The following NUP153 variants were observed in gnomAD, a reference collection of about 807,000 sequenced individuals.
NUP153 encodes the protein nuclear pore complex protein Nup153.
In NUP153, 27 loss-of-function variants were observed where a neutral mutation model predicts 134.6. The ratio of observed to expected loss-of-function variants is 0.20; its 90% CI spans 0.15 to 0.28. NUP153 has a LOEUF of 0.28. NUP153 is among the 10% of genes least tolerant of loss of function. NUP153 has a pLI of 1.00. For synonymous variants in NUP153, 640 were observed against 623.5 expected (o/e 1.03, Z -0.40); for missense variants, 1,821 against 1,731.3 (o/e 1.05, Z -0.92).
intron 9 of NUP153, 42 bp from the exon 10 acceptor site, chr6:17,662,112 T>C (rs749302420): frequency 3.8e-6 from 6 of 1,586,674 alleles, no homozygotes; most frequent in African/African-American, 2.7e-5. Flanking sequence ...GCTTATTTGT[T>C]GTAATTTTCT....
At chr6:17,664,838 A>T (rs1767416426) in intron 9 of NUP153, among the ~76,000 whole-genome samples, 1 of 152,046 alleles carries the variant, frequency 6.6e-6, no homozygotes. Flanking sequence ...GGGTCACTTG[A>T]GGTCAGGAGT....
At position 17,629,310 on chromosome 6, in the gene NUP153, A is replaced by C. The variant is rs1765106711; in HGVS notation, c.2889T>G (p.Val963=). The change falls in exon 18 of 22, where the codon GTT becomes GTG. Residue 963 remains valine, a synonymous_variant. Transcript: ENST00000262077. Reference sequence around the variant, plus strand: ...CTTCTTCGGGCTTAGATTCAGATGAAACTCCAAATTTAAAATCTCCTATTG... The same window carrying C: ...CTTCTTCGGGCTTAGATTCAGATGACACTCCAAATTTAAAATCTCCTATTG... ...SKPIGDFKFG[V]SSESKPEEVK... 3.1e-6 allele frequency: 5 copies of C among 1,607,368 alleles called. No homozygotes were observed. In the East Asian group the frequency reaches 1.1e-4, roughly 36 times the overall value.
In NUP153 at chr6:17,628,891, G is replaced by C; in HGVS notation, c.3308C>G (p.Thr1103Arg). The C allele has an allele frequency of 6.2e-7, 1 of 1,614,148 alleles. No individual in the cohort carries two copies. Among genetic ancestry groups the C allele is most frequent in the Non-Finnish European group, 8.5e-7 (1 of 1,180,038 alleles). Residue 1103 changes from threonine to arginine, a missense_variant, in exon 18 of 22, where the codon ACA (threonine) becomes AGA (arginine). Coordinates refer to ENST00000262077, the MANE Select transcript of NUP153 (RefSeq NM_005124.4). This position sits in a 1 kb window ranked among gnomAD's most constrained non-coding sequence, Gnocchi z 5.4. ...PSASVFVLGR[T>R]EEKQQEPVTS... is the part of the protein sequence containing the mutation. ...GACAGGCTCTTGCTGTTTCTCTTCT[G>C]TCCTTCCCAAAACAAACACTGAGGC... is the stretch of plus-strand genomic sequence containing the variant.
At chr6:17,697,544 A>G (rs536600648) in intron 1 of NUP153, among the ~76,000 whole-genome samples, 86 of 152,236 alleles carry the variant, frequency 5.6e-4, no homozygotes, top group South Asian at 1.5e-3. Context: ...AAAATTAGCC[A>G]GGCGTGGTGG....
intron 20 of NUP153, among the ~76,000 whole-genome samples, chr6:17,623,675 A>G (rs1259370998): frequency 1.3e-5 from 2 of 152,214 alleles, no homozygotes; most frequent in South Asian, 2.1e-4. Context: ...TCATACAATG[A>G]TTTACTCTAT....
intron 1 of NUP153, among the ~76,000 whole-genome samples, chr6:17,701,981 G>A (rs968395646): frequency 2.1e-5 from 3 of 140,846 alleles, no homozygotes; most frequent in African/African-American, 5.5e-5. Context: ...CCCCCATCCC[G>A]GGACAAAAAG....
At position 17,706,147 on chromosome 6, in the gene NUP153, G is replaced by A; in HGVS notation, c.111+130C>T. On this transcript the variant is annotated intron_variant, in intron 1 of 21. Transcript: ENST00000262077. The surrounding 1 kb of genome is among the most constrained non-coding windows in gnomAD (Gnocchi z 5.9). ...CACCCCCAACGGCCTGAGCTCCCCC[G>A]GAGCCTCACTCGGGCCTTTCCTCAG... The A allele has an allele frequency of 8.3e-6, 6 of 724,646 alleles. No individual in the cohort carries two copies. The highest frequency in any genetic ancestry group is 1.6e-5 in the South Asian group (1 of 60,920). 44.9% of individuals were successfully genotyped at this position (724,646 alleles called of 1,614,324 possible).
At chr6:17,657,319 G>T (rs1325441050) in intron 11 of NUP153, among the ~76,000 whole-genome samples, 5 of 151,238 alleles carry the variant, frequency 3.3e-5, no homozygotes, top group Admixed American at 2.0e-4. Flanking sequence ...GGCGGGTGGG[G>T]ATCACTTAAG....
intron 12 of NUP153, 116 bp from the exon 13 acceptor site, chr6:17,648,021 T>C (rs1275935132): frequency 8.9e-6 from 6 of 670,524 alleles, no homozygotes; most frequent in Non-Finnish European, 1.5e-5. Context: ...TTTTTCCTTT[T>C]AAATTTAAAA....
At position 17,688,584 on chromosome 6, in the gene NUP153, T is replaced by C. The variant is rs778683381; in HGVS notation, c.146A>G (p.Asn49Ser). ...TCTTTGTAGCCACCCTGGCACAATA[T>C]TCTTAACAGATTCTGTAACCCTGCT... is the stretch of plus-strand genomic sequence containing the variant. ...ILSRVTESVK[N>S]IVPGWLQRYF... The change falls in exon 2 of 22, where the codon AAT becomes AGT. Residue 49 changes from asparagine (N) to serine (S), a missense_variant. By Grantham distance (46) the Asn-to-Ser change is conservative. Coordinates refer to ENST00000262077, the MANE Select transcript of NUP153 (RefSeq NM_005124.4). The C allele has an allele frequency of 6.2e-7, 1 of 1,613,890 alleles. No individual in the cohort carries two copies. Among genetic ancestry groups the C allele is most frequent in the East Asian group, 2.2e-5 (1 of 44,880 alleles).
chr6:17,696,414 G>C (rs1042420338), intron 1 of NUP153, among the ~76,000 whole-genome samples: 1 of 152,148 alleles, frequency 6.6e-6, no homozygotes, highest in Non-Finnish European at 1.5e-5. Context: ...GAAATAAGCA[G>C]GCATGAGGGA....
At chr6:17,692,195 T>C (rs149098394) in intron 1 of NUP153, among the ~76,000 whole-genome samples, 9 of 152,250 alleles carry the variant, frequency 5.9e-5, no homozygotes, top group Non-Finnish European at 1.2e-4. Flanking sequence ...ATAATAAAGC[T>C]CACTCACTAA....
chr6:17,674,193 T>A (rs1484592915), intron 5 of NUP153, among the ~76,000 whole-genome samples: 1 of 152,120 alleles, frequency 6.6e-6, no homozygotes, highest in Non-Finnish European at 1.5e-5. Flanking sequence ...AAGAGATACA[T>A]AAGGTAACGT....
intron 14 of NUP153, 37 bp downstream of exon 14, chr6:17,646,030 T>C (rs772341764): frequency 4.4e-6 from 4 of 904,136 alleles, no homozygotes; most frequent in Admixed American, 2.0e-5. Context: ...CTGTATGCAA[T>C]TGTTTGTATG....
chr6:17,697,326 C>G (rs1319503359), intron 1 of NUP153, among the ~76,000 whole-genome samples: 1 of 152,132 alleles, frequency 6.6e-6, no homozygotes, highest in Admixed American at 6.5e-5. Flanking sequence ...ACATACATAT[C>G]AGGAACATTC....
rs140809404 is a variant in NUP153, at chr6:17,688,366, T to C, written c.334+30A>G. 1,551 of 1,567,788 alleles carry C rather than the reference T, an allele frequency of 9.9e-4. 12 individuals are homozygous for C. In the African/African-American group the frequency reaches 0.019, roughly 19 times the overall value. ...AAAATTAGGGCATGAAAACCTATCA[T>C]TCATGACAAAATATTCACATTTTAC... On this transcript the variant is annotated intron_variant, in intron 2 of 21. Coordinates refer to ENST00000262077, the MANE Select transcript of NUP153 (RefSeq NM_005124.4).
chr6:17,699,635 G>A (rs1290388607), intron 1 of NUP153, among the ~76,000 whole-genome samples: 1 of 151,956 alleles, frequency 6.6e-6, no homozygotes, highest in Non-Finnish European at 1.5e-5. Flanking sequence ...TCAGAAGTTT[G>A]AGACCACCAC....
chr6:17,658,556 A>G (rs536822694), intron 11 of NUP153, among the ~76,000 whole-genome samples: 17 of 152,356 alleles, frequency 1.1e-4, no homozygotes, highest in Admixed American at 3.3e-4. Context: ...ACAAGGACCA[A>G]TTGAGAGCAA....
chr6:17,693,189 CA>C (rs1769389395), intron 1 of NUP153, among the ~76,000 whole-genome samples: 5 of 140,766 alleles, frequency 3.6e-5, no homozygotes, highest in African/African-American at 1.5e-4. Context: ...TTCCTACACA[CA>C]CACACACACA....
Sources: gnomAD v4.1 joint callset for allele counts (sites outside exome capture counted in the v4.1 genomes callset) on GRCh38, gnomAD v4.1.1 for gene constraint, Gnocchi (gnomAD v3.1) non-coding constraint, MANE v1.5 for transcripts, NCBI Gene and HGNC (gene_info 2026-07-23, HGNC 2026-07-21) for gene names.